LRMDA: variants seen among roughly 807,000 people sequenced by gnomAD.
LRMDA encodes the protein leucine-rich melanocyte differentiation-associated protein.
A neutral mutation model predicts 29.8 loss-of-function variants in LRMDA; 18 were observed. The ratio of observed to expected loss-of-function variants is 0.60; its 90% CI spans 0.42 to 0.90. The LOEUF (loss-of-function observed/expected upper bound fraction) is 0.90, where lower values mean the gene tolerates loss of function less well. Ranked by LOEUF, LRMDA falls within the 40% of genes least tolerant of loss-of-function variation. LRMDA has a pLI of 0.00. For synonymous variants in LRMDA, 125 were observed against 109.4 expected (o/e 1.14, Z -0.89); for missense variants, 273 against 273.9 (o/e 1.00, Z 0.02).
chr10:75,885,448 CTG>C (rs1456563528), intron 2 of LRMDA, among the ~76,000 whole-genome samples: 1 of 152,246 alleles, frequency 6.6e-6, no homozygotes, highest in African/African-American at 2.4e-5. Context: ...TGCAAGGTCT[CTG>C]TGGACCCTTT....
At chr10:76,431,729 G>C (rs1226844292) in intron 6 of LRMDA, among the ~76,000 whole-genome samples, 1 of 152,196 alleles carries the variant, frequency 6.6e-6, no homozygotes, top group African/African-American at 2.4e-5. Flanking sequence ...TCCTGATATG[G>C]TTTGGTTGTG....
intron 2 of LRMDA, among the ~76,000 whole-genome samples, chr10:75,763,632 T>G (rs1253582188): frequency 6.6e-6 from 1 of 152,210 alleles, no homozygotes; most frequent in South Asian, 2.1e-4. Context: ...AGTCTAGCTT[T>G]GTTCTAGTTT....
Position 76,344,198 on chromosome 10 carries a change from A to G in LRMDA, c.601+19713A>G, listed in dbSNP as rs144621176. ...ATAATTCAGTGAGAAAGTAAAATATACAGTGAATATGCAAAATCTTTAGAC... is the reference window on the plus strand; with the variant it reads ...ATAATTCAGTGAGAAAGTAAAATATGCAGTGAATATGCAAAATCTTTAGAC... On this transcript the variant is annotated intron_variant, in intron 6 of 6. Coordinates refer to ENST00000611255, the MANE Select transcript of LRMDA (RefSeq NM_001305581.2). Among the ~76,000 whole-genome samples, 1,391 of 152,298 alleles carry G rather than the reference A, an allele frequency of 9.1e-3. 16 individuals are homozygous for G. Among genetic ancestry groups the G allele is most frequent in the Non-Finnish European group, 0.016 (1,078 of 68,022 alleles).
intron 2 of LRMDA, among the ~76,000 whole-genome samples, chr10:75,687,081 C>T (rs967342196): frequency 6.6e-6 from 1 of 152,188 alleles, no homozygotes; most frequent in African/African-American, 2.4e-5. Context: ...CAGGCCTCCT[C>T]ATTCTCTGAG....
At chr10:76,265,931 G>A (rs1378360184) in intron 5 of LRMDA, among the ~76,000 whole-genome samples, 1 of 152,178 alleles carries the variant, frequency 6.6e-6, no homozygotes, top group Non-Finnish European at 1.5e-5. Context: ...AACTGGCAAA[G>A]TAAATTAATC....
At chr10:75,752,563 C>T (rs1348102711) in intron 2 of LRMDA, among the ~76,000 whole-genome samples, 5 of 152,112 alleles carry the variant, frequency 3.3e-5, no homozygotes, top group African/African-American at 1.2e-4. Context: ...GTAATTAGTA[C>T]ACGTGGTATA....
chr10:76,423,898 T>C (rs1043428388), intron 6 of LRMDA, among the ~76,000 whole-genome samples: 2 of 152,272 alleles, frequency 1.3e-5, no homozygotes, highest in Middle Eastern at 3.4e-3. Context: ...GAGGTGTCCA[T>C]GGTTACTAGA....
intron 2 of LRMDA, among the ~76,000 whole-genome samples, chr10:76,012,815 T>C (rs1847807963): frequency 6.6e-6 from 1 of 152,198 alleles, no homozygotes; most frequent in Non-Finnish European, 1.5e-5. Flanking sequence ...GCTGAGGCGC[T>C]TCTTTCGGGA....
chr10:76,246,407 C>T (rs1256815427), intron 5 of LRMDA, among the ~76,000 whole-genome samples: 4 of 152,186 alleles, frequency 2.6e-5, no homozygotes, highest in Non-Finnish European at 1.5e-5. Flanking sequence ...CACCTCCTCT[C>T]ATGTCTCATG....
At chr10:76,520,589 TAC>T (rs1843108770) in intron 6 of LRMDA, among the ~76,000 whole-genome samples, 1 of 151,970 alleles carries the variant, frequency 6.6e-6, no homozygotes, top group African/African-American at 2.4e-5. Flanking sequence ...GTAAGAAATA[TAC>T]CTGTTTGTTT....
chr10:76,305,290 A>C (rs1840539919), intron 5 of LRMDA, among the ~76,000 whole-genome samples: 1 of 152,216 alleles, frequency 6.6e-6, no homozygotes, highest in African/African-American at 2.4e-5. Context: ...TCTATCTTAT[A>C]ATTGGTACAA....
chr10:75,642,585 G>A (rs914657466), intron 2 of LRMDA: 14 of 152,090 alleles, frequency 9.2e-5, no homozygotes, highest in Admixed American at 7.9e-4. Context: ...TGGTCTTTTG[G>A]GAGGTTTTCC....
At chr10:75,960,605 T>C (rs972148771) in intron 2 of LRMDA, among the ~76,000 whole-genome samples, 2 of 152,164 alleles carry the variant, frequency 1.3e-5, no homozygotes, top group African/African-American at 4.8e-5. Context: ...TTTTGTTGAT[T>C]TTTTAAATTT....
At chr10:76,412,404 C>T (rs1277230068) in intron 6 of LRMDA, among the ~76,000 whole-genome samples, 1 of 152,178 alleles carries the variant, frequency 6.6e-6, no homozygotes, top group African/African-American at 2.4e-5. Context: ...CTTATTTGTT[C>T]TTCTGATTCA....
intron 2 of LRMDA, among the ~76,000 whole-genome samples, chr10:75,955,253 T>C (rs1846644720): frequency 6.6e-6 from 1 of 152,218 alleles, no homozygotes; most frequent in Non-Finnish European, 1.5e-5. Context: ...CTGAGGTGTC[T>C]GTTGATTAGA....
At chr10:76,359,411 C>T (rs1841282452) in intron 6 of LRMDA, among the ~76,000 whole-genome samples, 1 of 152,108 alleles carries the variant, frequency 6.6e-6, no homozygotes, top group African/African-American at 2.4e-5. Flanking sequence ...AGACTGGTTA[C>T]ATTAGTGCTG....
intron 5 of LRMDA, among the ~76,000 whole-genome samples, chr10:76,283,873 C>T (rs1840237400): frequency 6.6e-6 from 1 of 152,076 alleles, no homozygotes; most frequent in Admixed American, 6.6e-5. Context: ...ACTCTATTGC[C>T]CAGGCTGATC....
At chr10:75,952,726 A>G (rs1275239038) in intron 2 of LRMDA, among the ~76,000 whole-genome samples, 1 of 152,126 alleles carries the variant, frequency 6.6e-6, no homozygotes, top group Non-Finnish European at 1.5e-5. Context: ...GATTTAAAAT[A>G]TGTGTCTTGG....
At chr10:76,353,560 AATGTG>A (rs1269152853) in intron 6 of LRMDA, among the ~76,000 whole-genome samples, 17 of 152,198 alleles carry the variant, frequency 1.1e-4, no homozygotes, top group African/African-American at 3.6e-4. Context: ...CATCTTAGTA[AATGTG>A]TACAATCAGG....
Sources: allele counts gnomAD v4.1 joint callset (sites outside exome capture counted in the v4.1 genomes callset), GRCh38; gene constraint gnomAD v4.1.1; transcripts MANE v1.5; gene names NCBI Gene and HGNC (gene_info 2026-07-23, HGNC 2026-07-21).